GRAMD4: variants seen among roughly 807,000 people sequenced by gnomAD.
GRAMD4 encodes the protein GRAM domain-containing protein 4.
Under a neutral mutation model 83.9 loss-of-function variants are expected in GRAMD4, and 25 were observed. The observed-to-expected ratio is 0.30, with a 90% CI of 0.22 to 0.42. GRAMD4 has a LOEUF of 0.42. Among genes scored for constraint, GRAMD4 ranks in the 10% least tolerant of loss-of-function variants. The pLI is 1.00. For synonymous variants in GRAMD4, 336 were observed against 320.9 expected (o/e 1.05, Z -0.50); for missense variants, 593 against 788.7 (o/e 0.75, Z 2.97).
chr22:46,639,510 G>C (rs2081943383), intron 3 of GRAMD4, among the ~76,000 whole-genome samples: 1 of 151,370 alleles, frequency 6.6e-6, no homozygotes. Context: ...TTGTGTGTGA[G>C]CGTGTGCAGT....
chr22:46,645,701 AC>A (rs1364141761), intron 3 of GRAMD4, among the ~76,000 whole-genome samples: 1 of 152,212 alleles, frequency 6.6e-6, no homozygotes, highest in Non-Finnish European at 1.5e-5. Flanking sequence ...CAAGCAAATG[AC>A]ACAGGATGAA....
chr22:46,588,135 G>A (rs916876534), intron 1 of GRAMD4, among the ~76,000 whole-genome samples: 6 of 152,046 alleles, frequency 3.9e-5, no homozygotes, highest in African/African-American at 1.4e-4. Flanking sequence ...CTCTAAACCG[G>A]ACATCTAGAG....
At chr22:46,665,296 C>G (rs2082390994) in intron 8 of GRAMD4, among the ~76,000 whole-genome samples, 1 of 152,250 alleles carries the variant, frequency 6.6e-6, no homozygotes, top group Non-Finnish European at 1.5e-5. Context: ...CAGGCTGAGT[C>G]CTGGTGATGC....
intron 1 of GRAMD4, among the ~76,000 whole-genome samples, chr22:46,585,007 G>T (rs2081134891): frequency 6.6e-6 from 1 of 152,184 alleles, no homozygotes; most frequent in South Asian, 2.1e-4. Context: ...CCTTTGAAAA[G>T]ATCTACAGAG....
intron 2 of GRAMD4, among the ~76,000 whole-genome samples, chr22:46,632,010 G>C (rs12162984): frequency 6.7e-6 from 1 of 148,600 alleles, no homozygotes; most frequent in African/African-American, 2.5e-5. Context: ...AGACCCTTAC[G>C]GCGTGTGTCT....
chr22:46,615,775 C>G (rs1388324821), upstream of GRAMD4, among the ~76,000 whole-genome samples: 1 of 16,848 alleles, frequency 5.9e-5, no homozygotes, highest in African/African-American at 2.3e-4. Context: ...TGTGTAGGTT[C>G]CCCTGTGCGT....
chr22:46,575,937 CAA>C (rs2147874381), upstream of GRAMD4: 1 of 152,404 alleles, frequency 6.6e-6, no homozygotes, highest in East Asian at 1.9e-4. Flanking sequence ...GGAGGGGGAT[CAA>C]AGAGAGGCCC....
intron 1 of GRAMD4, among the ~76,000 whole-genome samples, chr22:46,598,996 C>T (rs2081287355): frequency 6.6e-6 from 1 of 152,080 alleles, no homozygotes; most frequent in East Asian, 1.9e-4. Flanking sequence ...CCGGTGCCCA[C>T]CAGCTCAGTG....
rs747479104 is a variant in GRAMD4, at chr22:46,677,163, C to T, written c.1649C>T (p.Ala550Val). 4 of 1,613,652 alleles carry T rather than the reference C, an allele frequency of 2.5e-6. No individual in the cohort carries two copies. The highest frequency in any genetic ancestry group is 3.4e-6 in the Non-Finnish European group (4 of 1,179,914). ...CCCTGCCAGCCGCTCGTGTTTGGTGCCATGGTGCACAGGGATGAGGCCTTC... is the reference window on the plus strand; with the variant it reads ...CCCTGCCAGCCGCTCGTGTTTGGTGTCATGGTGCACAGGGATGAGGCCTTC... The part of the protein sequence containing the change: ...PSTQKPLVFG[A>V]MVHRDEAFET... The change falls in exon 19 of 19, where the codon GCC becomes GTC. Residue 550 changes from alanine (A) to valine (V), a missense_variant. This residue lies in a region of GRAMD4 where 74 missense variants were observed against 152.7 expected (regional missense o/e 0.48). Coordinates refer to ENST00000406902, the MANE Select transcript of GRAMD4 (RefSeq NM_015124.5).
At chr22:46,668,059 A>G (rs1446786040) in intron 10 of GRAMD4, 37 bp from the exon 11 acceptor site, 16 of 1,463,320 alleles carry the variant, frequency 1.1e-5, no homozygotes, top group Non-Finnish European at 1.4e-5. Context: ...GAACTGTTAA[A>G]TTTCAGTGGA....
chr22:46,651,572 C>T (rs534656889), intron 3 of GRAMD4, among the ~76,000 whole-genome samples: 3 of 152,228 alleles, frequency 2.0e-5, no homozygotes, highest in Non-Finnish European at 4.4e-5. Context: ...TGTATGGCTG[C>T]CACCTGGACT....
intron 2 of GRAMD4, among the ~76,000 whole-genome samples, chr22:46,633,889 G>A (rs1299005390): frequency 6.6e-6 from 1 of 152,154 alleles, no homozygotes; most frequent in Non-Finnish European, 1.5e-5. Flanking sequence ...TTGTTGTTTA[G>A]GCCGCCTTCC....
intron 1 of GRAMD4, among the ~76,000 whole-genome samples, chr22:46,591,808 G>T (rs1328162254): frequency 1.4e-5 from 2 of 142,526 alleles, no homozygotes; most frequent in Non-Finnish European, 3.0e-5. Flanking sequence ...ACTCCAGCCT[G>T]GGTGACAGAG....
chr22:46,656,104 G>C (rs1050530329), intron 3 of GRAMD4, among the ~76,000 whole-genome samples: 7 of 152,046 alleles, frequency 4.6e-5, no homozygotes, highest in African/African-American at 1.7e-4. Context: ...CAGCTGCCCT[G>C]GGGGGCTCTC....
chr22:46,665,556 A>T (rs1601667558), intron 8 of GRAMD4, 59 bp from the exon 9 acceptor site: 10 of 912,782 alleles, frequency 1.1e-5, no homozygotes, highest in African/African-American at 3.2e-5. Context: ...GGCGGGAGGG[A>T]TGTGCCTTGT....
intron 3 of GRAMD4, among the ~76,000 whole-genome samples, chr22:46,649,431 G>A (rs771791398): frequency 2.0e-5 from 3 of 152,220 alleles, no homozygotes; most frequent in African/African-American, 2.4e-5. Flanking sequence ...GTCAGATGCC[G>A]CGTGCCTCTC....
intron 1 of GRAMD4, among the ~76,000 whole-genome samples, chr22:46,601,445 G>T (rs906237047): frequency 6.6e-5 from 10 of 151,512 alleles, no homozygotes; most frequent in African/African-American, 2.4e-4. Flanking sequence ...TGTGAATTAG[G>T]GTGTTTTGGG....
chr22:46,601,601 A>T (rs901658684), intron 1 of GRAMD4, among the ~76,000 whole-genome samples: 11 of 152,128 alleles, frequency 7.2e-5, no homozygotes, highest in Admixed American at 7.2e-4. Flanking sequence ...GTTCGAGACC[A>T]GTCTGGCAAC....
chr22:46,578,151 G>T (rs1403773103), intron 1 of GRAMD4, among the ~76,000 whole-genome samples: 1 of 152,218 alleles, frequency 6.6e-6, no homozygotes, highest in African/African-American at 2.4e-5. Flanking sequence ...GAAAGATTCG[G>T]TTTGGGGGAG....
Sources: gnomAD v4.1 joint callset for allele counts (sites outside exome capture counted in the v4.1 genomes callset) on GRCh38, gnomAD v4.1.1 for gene constraint, gnomAD v4.1.1 regional missense constraint, MANE v1.5 for transcripts, NCBI Gene and HGNC (gene_info 2026-07-23, HGNC 2026-07-21) for gene names.